The following AUTS2 variants were observed in gnomAD, a reference collection of about 807,000 sequenced individuals.
AUTS2 encodes the protein autism susceptibility gene 2 protein.
A neutral mutation model predicts 112.4 loss-of-function variants in AUTS2; 17 were observed. That is an observed-to-expected ratio of 0.15 (90% CI 0.10 to 0.23). AUTS2 has a LOEUF of 0.23. AUTS2 is among the 10% of genes least tolerant of loss of function. AUTS2 has a pLI of 1.00. For missense variants in AUTS2, 1,510 were observed against 1,701.6 expected (o/e 0.89, Z 1.98); for synonymous variants, 751 against 702.7 (o/e 1.07, Z -1.09).
intron 3 of AUTS2, among the ~76,000 whole-genome samples, chr7:70,124,808 G>A (rs527317503): frequency 1.1e-3 from 172 of 152,240 alleles, no homozygotes; most frequent in African/African-American, 3.9e-3. Flanking sequence ...TGATCCGCCC[G>A]CCTTGGCCTC....
chr7:69,869,920 T>C (rs1017661006), intron 1 of AUTS2, among the ~76,000 whole-genome samples: 2 of 152,222 alleles, frequency 1.3e-5, no homozygotes, highest in African/African-American at 4.8e-5. Context: ...ATGGGAACTG[T>C]ATCTTTGGAG....
intron 2 of AUTS2, among the ~76,000 whole-genome samples, chr7:69,995,248 A>G (rs1007425782): frequency 2.0e-5 from 3 of 152,128 alleles, no homozygotes; most frequent in African/African-American, 7.2e-5. Flanking sequence ...CTCTCTCCCC[A>G]TCTAAATTTT....
intron 5 of AUTS2, among the ~76,000 whole-genome samples, chr7:70,620,148 C>T (rs1563080914): frequency 6.6e-6 from 1 of 152,130 alleles, no homozygotes; most frequent in Non-Finnish European, 1.5e-5. Context: ...CTTCTTTACT[C>T]CTTAGCACAT....
chr7:69,749,812 G>A (rs1431428451), intron 1 of AUTS2, among the ~76,000 whole-genome samples: 3 of 152,190 alleles, frequency 2.0e-5, no homozygotes, highest in Admixed American at 2.0e-4. Context: ...GGAGAGGGGA[G>A]CACAGAGCTA....
chr7:70,207,778 G>A (rs538909209), intron 4 of AUTS2, among the ~76,000 whole-genome samples: 3 of 152,210 alleles, frequency 2.0e-5, no homozygotes, highest in South Asian at 2.1e-4. Flanking sequence ...TTGGGAGGCC[G>A]AGGAGGGTGG....
At chr7:70,465,147 T>C (rs770598438) in intron 5 of AUTS2, among the ~76,000 whole-genome samples, 4 of 152,210 alleles carry the variant, frequency 2.6e-5, no homozygotes, top group Admixed American at 6.5e-5. Flanking sequence ...CCTGGAACTT[T>C]GAGAGGAAAA....
chr7:70,285,812 A>C (rs1486893068), intron 4 of AUTS2, among the ~76,000 whole-genome samples: 5 of 152,228 alleles, frequency 3.3e-5, no homozygotes, highest in Non-Finnish European at 7.3e-5. Flanking sequence ...TATTAGGCAT[A>C]GAGTAAGATG....
At chr7:69,971,799 T>C (rs552088409) in intron 2 of AUTS2, among the ~76,000 whole-genome samples, 1 of 152,364 alleles carries the variant, frequency 6.6e-6, no homozygotes, top group Non-Finnish European at 1.5e-5. Context: ...TTCTGAGTAG[T>C]ATTCTATGGT....
intron 5 of AUTS2, among the ~76,000 whole-genome samples, chr7:70,472,963 G>A (rs1311725865): frequency 4.6e-5 from 7 of 152,256 alleles, no homozygotes; most frequent in Non-Finnish European, 7.4e-5. Flanking sequence ...AACTTCGTTG[G>A]CTACAAGATG....
intron 5 of AUTS2, among the ~76,000 whole-genome samples, chr7:70,688,301 T>A (rs1808570459): frequency 5.3e-5 from 8 of 152,154 alleles, no homozygotes; most frequent in Admixed American, 5.2e-4. Context: ...GGACAAATTC[T>A]AAGATGTGAA....
intron 4 of AUTS2, among the ~76,000 whole-genome samples, chr7:70,341,255 A>C (rs919506699): frequency 1.3e-5 from 2 of 152,204 alleles, no homozygotes; most frequent in Non-Finnish European, 2.9e-5. Flanking sequence ...TTACATGTGA[A>C]ATACCTTATC....
At chr7:70,739,081 G>A (rs1040948347) in intron 6 of AUTS2, among the ~76,000 whole-genome samples, 4 of 132,250 alleles carry the variant, frequency 3.0e-5, no homozygotes, top group East Asian at 2.3e-4. Flanking sequence ...GCTGGAGCAC[G>A]GTGTTGCTGT....
At chr7:69,633,112 AC>A (rs1195077380) in intron 1 of AUTS2, among the ~76,000 whole-genome samples, 1 of 152,122 alleles carries the variant, frequency 6.6e-6, no homozygotes, top group Non-Finnish European at 1.5e-5. Flanking sequence ...ACCCCTAGTA[AC>A]CACTGTTTTG....
intron 1 of AUTS2, among the ~76,000 whole-genome samples, chr7:69,809,365 A>G (rs1037773074): frequency 6.6e-6 from 1 of 152,194 alleles, no homozygotes; most frequent in African/African-American, 2.4e-5. Flanking sequence ...GGCGTGAGCC[A>G]CCACGCCTGG....
Position 70,790,689 on chromosome 7 carries a change from T to C in AUTS2, c.3473T>C (p.Leu1158Pro). ...HLDERERLHM[L>P]REDYEHTRLH... ...GACGAGCGGGAGCGCTTGCACATGC[T>C]CAGAGAAGACTACGAGCACACGCGG... Residue 1158 changes from leucine to proline, a missense_variant, in exon 19 of 19, where the codon CTC becomes CCC. This residue lies in a region of AUTS2 where 788 missense variants were observed against 797.6 expected (regional missense o/e 0.99). Coordinates refer to ENST00000342771, the MANE Select transcript of AUTS2 (RefSeq NM_015570.4). This position sits in a 1 kb window ranked among gnomAD's most constrained non-coding sequence, Gnocchi z 7.6. The C allele has an allele frequency of 6.2e-7, 1 of 1,613,496 alleles. No individual in the cohort carries two copies. Among genetic ancestry groups the C allele is most frequent in the Non-Finnish European group, 8.5e-7 (1 of 1,179,936 alleles).
chr7:70,244,395 A>G (rs1395525438), intron 4 of AUTS2, among the ~76,000 whole-genome samples: 1 of 152,244 alleles, frequency 6.6e-6, no homozygotes, highest in African/African-American at 2.4e-5. Context: ...CAGCCAGGAC[A>G]TATACACTAT....
intron 5 of AUTS2, among the ~76,000 whole-genome samples, chr7:70,617,826 TG>T (rs1470501218): frequency 6.6e-6 from 1 of 152,236 alleles, no homozygotes; most frequent in Non-Finnish European, 1.5e-5. Flanking sequence ...CTGAAATTTA[TG>T]TCCATTTCTT....
At chr7:70,085,905 C>G (rs543249422) in intron 2 of AUTS2, among the ~76,000 whole-genome samples, 1 of 149,152 alleles carries the variant, frequency 6.7e-6, no homozygotes, top group South Asian at 2.2e-4. Context: ...ATGCTTTTTT[C>G]TATTTCTTAA....
intron 5 of AUTS2, among the ~76,000 whole-genome samples, chr7:70,684,393 A>G (rs1808353573): frequency 6.6e-6 from 1 of 152,170 alleles, no homozygotes; most frequent in African/African-American, 2.4e-5. Context: ...CAGCCTTACC[A>G]TGACCCTTCA....
Sources: gnomAD v4.1 joint callset for allele counts (sites outside exome capture counted in the v4.1 genomes callset) on GRCh38, gnomAD v4.1.1 for gene constraint, gnomAD v4.1.1 regional missense constraint, Gnocchi (gnomAD v3.1) non-coding constraint, MANE v1.5 for transcripts, NCBI Gene and HGNC (gene_info 2026-07-23, HGNC 2026-07-21) for gene names.